EXT1: variants seen among roughly 807,000 people sequenced by gnomAD.
EXT1 encodes exostosin glycosyltransferase 1.
In EXT1, 20 loss-of-function variants were observed where a neutral mutation model predicts 82.5. The ratio of observed to expected loss-of-function variants is 0.24; its 90% CI spans 0.17 to 0.35. The LOEUF is 0.35. Among genes scored for constraint, EXT1 ranks in the 10% least tolerant of loss-of-function variants. EXT1 has a pLI of 1.00. For missense variants in EXT1, 757 were observed against 936.5 expected (o/e 0.81, Z 2.50); for synonymous variants, 348 against 350.8 (o/e 0.99, Z 0.09).
chr8:117,891,251 G>A (rs866976749), intron 1 of EXT1, among the ~76,000 whole-genome samples: 4 of 152,172 alleles, frequency 2.6e-5, no homozygotes, highest in Admixed American at 6.5e-5. Context: ...TACAAGCAAC[G>A]TTGAAGAAGG....
At chr8:117,971,782 C>T (rs1276196797) in intron 1 of EXT1, among the ~76,000 whole-genome samples, 1 of 152,156 alleles carries the variant, frequency 6.6e-6, no homozygotes, top group Admixed American at 6.5e-5. Flanking sequence ...AATGGTATCC[C>T]CTTTCTTGAC....
intron 1 of EXT1, among the ~76,000 whole-genome samples, chr8:118,008,582 A>G (rs914180700): frequency 2.6e-5 from 4 of 152,168 alleles, no homozygotes; most frequent in Admixed American, 1.3e-4. Context: ...ACTTGTTTTC[A>G]CTTCATGTAT....
Position 117,891,994 on chromosome 8 carries a change from G to A in EXT1, c.963-54793C>T, listed in dbSNP as rs796544510. On this transcript the variant is annotated intron_variant, in intron 1 of 10. Coordinates refer to ENST00000378204, the MANE Select transcript of EXT1 (RefSeq NM_000127.3). ...GCTAATTTTTGTATTTTTAGTAGAG[G>A]CGGGGTTTCACCATGTTGGTCAGGC... Among the ~76,000 whole-genome samples, 40 of 151,710 alleles carry A rather than the reference G, an allele frequency of 2.6e-4. 1 individual carries two copies. The highest frequency in any genetic ancestry group is 3.4e-3 in the Middle Eastern group (1 of 292).
At chr8:118,065,786 T>C (rs1816974406) in intron 1 of EXT1, among the ~76,000 whole-genome samples, 1 of 152,216 alleles carries the variant, frequency 6.6e-6, no homozygotes, top group Non-Finnish European at 1.5e-5. Context: ...AATGTAATAT[T>C]TAGTGGGTGG....
intron 1 of EXT1, among the ~76,000 whole-genome samples, chr8:117,885,331 A>G (rs774485028): frequency 3.3e-5 from 5 of 152,168 alleles, no homozygotes; most frequent in African/African-American, 4.8e-5. Flanking sequence ...TTGCCTAGAG[A>G]TTTACATGTA....
At chr8:117,854,451 CACACACACACAT>C (rs1812508195) in intron 1 of EXT1, among the ~76,000 whole-genome samples, 1 of 152,104 alleles carries the variant, frequency 6.6e-6, no homozygotes, top group South Asian at 2.1e-4. Flanking sequence ...GGAGAAAACA[CACACACACACAT>C]ACACACACAC....
intron 1 of EXT1, among the ~76,000 whole-genome samples, chr8:118,035,802 T>A (rs991159900): frequency 6.6e-6 from 1 of 152,208 alleles, no homozygotes; most frequent in Admixed American, 6.6e-5. Context: ...TATTCTGTAT[T>A]TGGACTTCTT....
intron 1 of EXT1, among the ~76,000 whole-genome samples, chr8:118,037,323 C>T (rs1156661163): frequency 6.6e-6 from 1 of 151,710 alleles, no homozygotes; most frequent in Non-Finnish European, 1.5e-5. Flanking sequence ...TCACATGTAT[C>T]TGAAAATGCC....
chr8:117,997,513 C>G (rs1483755682), intron 1 of EXT1, among the ~76,000 whole-genome samples: 2 of 151,844 alleles, frequency 1.3e-5, no homozygotes, highest in African/African-American at 4.8e-5. Context: ...GGTTGAGAAC[C>G]TCTGTCTCTA....
At chr8:117,819,588 G>A (rs1248628188) in intron 6 of EXT1, 88 bp downstream of exon 6, 2 of 1,115,678 alleles carry the variant, frequency 1.8e-6, no homozygotes, top group East Asian at 4.7e-5. Context: ...GGGAGCCTGG[G>A]GAGCCCGGGG....
chr8:117,964,979 A>G (rs1814779446), intron 1 of EXT1, among the ~76,000 whole-genome samples: 2 of 152,162 alleles, frequency 1.3e-5, no homozygotes, highest in Non-Finnish European at 2.9e-5. Context: ...TCAGGTGCCT[A>G]GAAGGATGTC....
intron 1 of EXT1, among the ~76,000 whole-genome samples, chr8:117,986,597 G>A (rs1165615127): frequency 6.6e-6 from 1 of 152,144 alleles, no homozygotes; most frequent in East Asian, 1.9e-4. Flanking sequence ...CCCAGTAGGT[G>A]TATTCAATAC....
chr8:117,992,489 C>A (rs912210408), intron 1 of EXT1, among the ~76,000 whole-genome samples: 2 of 144,478 alleles, frequency 1.4e-5, no homozygotes, highest in African/African-American at 5.2e-5. Context: ...ATATAGGATA[C>A]GAAGGCTTGG....
rs71307404 is a variant in EXT1, at chr8:117,809,218, AATATATATAT to A, written c.1723-1851_1723-1842del. Among the ~76,000 whole-genome samples, 16 of 107,948 alleles carry A rather than the reference AATATATATAT, an allele frequency of 1.5e-4. 1 individual carries two copies. Among genetic ancestry groups the A allele is most frequent in the South Asian group, 6.0e-4 (2 of 3,314 alleles). The allele number at this position is 107,948 out of a possible 152,430, so 70.8% of individuals were successfully genotyped here. A position where few individuals can be genotyped will look rare whatever the true frequency, so the allele number is the denominator to read the frequency against. ...GTATATATATGTGTGTGTGTGTATA[AATATATATAT>A]ATATATATATATATATTATGTTCTA... On this transcript the variant is annotated intron_variant, in intron 8 of 10. Transcript: ENST00000378204.
intron 1 of EXT1, among the ~76,000 whole-genome samples, chr8:117,967,426 G>A (rs1333348172): frequency 6.6e-6 from 1 of 152,168 alleles, no homozygotes; most frequent in East Asian, 1.9e-4. Context: ...TTAAAAAGCA[G>A]TCATTAAATA....
chr8:117,844,869 C>G (rs1812328188), intron 1 of EXT1, among the ~76,000 whole-genome samples: 1 of 151,062 alleles, frequency 6.6e-6, no homozygotes. Context: ...TGGTACAATT[C>G]CTTACTCAAG....
chr8:118,020,353 C>G (rs755719291), intron 1 of EXT1, among the ~76,000 whole-genome samples: 26 of 152,164 alleles, frequency 1.7e-4, no homozygotes, highest in Non-Finnish European at 2.4e-4. Flanking sequence ...GGAAAAGACT[C>G]TGGTCTTTAC....
chr8:117,995,303 T>C (rs1280022911), intron 1 of EXT1, among the ~76,000 whole-genome samples: 2 of 152,232 alleles, frequency 1.3e-5, no homozygotes, highest in Non-Finnish European at 2.9e-5. Flanking sequence ...TTTGTTCCTC[T>C]CTGAGAGCCA....
intron 1 of EXT1, among the ~76,000 whole-genome samples, chr8:118,005,094 T>C (rs1815746732): frequency 6.6e-6 from 1 of 151,988 alleles, no homozygotes; most frequent in Non-Finnish European, 1.5e-5. Flanking sequence ...AGCTGGAGAG[T>C]GGCAGTCAGG....
Sources: gnomAD v4.1 joint callset for allele counts (sites outside exome capture counted in the v4.1 genomes callset) on GRCh38, gnomAD v4.1.1 for gene constraint, MANE v1.5 for transcripts, NCBI Gene and HGNC (gene_info 2026-07-23, HGNC 2026-07-21) for gene names.